Variants in PTPN14 observed in about 807,000 individuals in gnomAD.
PTPN14 encodes tyrosine-protein phosphatase non-receptor type 14.
PTPN14 carries 53 observed loss-of-function variants against 126.8 expected under a neutral mutation model. That is an observed-to-expected ratio of 0.42 (90% CI 0.34 to 0.53). The LOEUF (loss-of-function observed/expected upper bound fraction) is 0.53, where lower values mean the gene tolerates loss of function less well. Ranked by LOEUF, PTPN14 falls within the 20% of genes least tolerant of loss-of-function variation. The pLI, the probability that PTPN14 is intolerant of heterozygous loss-of-function variation, is 0.08. For missense variants in PTPN14, 1,257 were observed against 1,552.9 expected, an observed-to-expected ratio of 0.81 and a Z score of 3.20; for synonymous variants, 630 against 599.3, an observed-to-expected ratio of 1.05 and a Z score of -0.75.
intron 5 of PTPN14, among the ~76,000 whole-genome samples, chr1:214,411,142 T>C (rs971696267): frequency 1.3e-5 from 2 of 152,190 alleles, no homozygotes; most frequent in Admixed American, 6.5e-5. Flanking sequence ...GTTTCCAGCA[T>C]ACAGAATTTT....
At position 214,402,437 on chromosome 1, in the gene PTPN14, C is replaced by CAAAAAAAAAAAAAAAAAAAAAAA. The variant is rs1165595746; in HGVS notation, c.581+445_581+446insTTTTTTTTTTTTTTTTTTTTTTT. 6.2e-4 allele frequency among the ~76,000 whole-genome samples: 30 copies of CAAAAAAAAAAAAAAAAAAAAAAA among 48,138 alleles called. 2 individuals carry two copies. The highest frequency in any genetic ancestry group is 0.011 in the Middle Eastern group (1 of 94). 31.6% of individuals were successfully genotyped at this position (48,138 alleles called of 152,430 possible). A position where few individuals can be genotyped will look rare whatever the true frequency, so the allele number is the denominator to read the frequency against. On this transcript the variant is annotated intron_variant, in intron 6 of 18. Transcript: ENST00000366956. ...CCTGGGTGACAGAGCGAGACTCTGTCAAAAAAAAAAAAAAAAAAAAAAGCC... is the reference window on the plus strand; with the variant it reads ...CCTGGGTGACAGAGCGAGACTCTGTCAAAAAAAAAAAAAAAAAAAAAAAAAAAAAAAAAAAAAAAAAAAAAGCC...
intron 1 of PTPN14, among the ~76,000 whole-genome samples, chr1:214,510,917 A>C (rs1654957068): frequency 6.6e-6 from 1 of 151,962 alleles, no homozygotes; most frequent in Admixed American, 6.6e-5. Context: ...TTGCTCTGTC[A>C]CCTAGGCTGA....
chr1:214,469,825 G>GGT (rs1192451808), intron 1 of PTPN14, among the ~76,000 whole-genome samples: 2 of 53,148 alleles, frequency 3.8e-5, no homozygotes, highest in Admixed American at 2.0e-4. Context: ...CATGGGGAAA[G>GGT]GCGGGGGTAT....
chr1:214,506,522 A>AAAAT (rs374058238), intron 1 of PTPN14, among the ~76,000 whole-genome samples: 67 of 150,800 alleles, frequency 4.4e-4, no homozygotes, highest in African/African-American at 6.5e-4. Flanking sequence ...CTAAAAGAAG[A>AAAAT]AAATAAATAA....
chr1:214,382,835 T>C (rs1461237392), intron 13 of PTPN14, among the ~76,000 whole-genome samples: 1 of 152,244 alleles, frequency 6.6e-6, no homozygotes, highest in East Asian at 1.9e-4. Flanking sequence ...AAACATCTAT[T>C]GAAAGAAAAT....
rs527691930 is a variant in PTPN14 at position 214,351,505 on chromosome 1, C to G, written c.*6417G>C. ...AAGGGGAATGTCCTCTGCAGCACCT[C>G]TGAGATCACAGGGGAGAAGAATCAA... On this transcript the variant is annotated 3_prime_UTR_variant, in exon 19 of 19. Coordinates refer to ENST00000366956, the MANE Select transcript of PTPN14 (RefSeq NM_005401.5). 1 of 152,354 alleles carries G rather than the reference C, an allele frequency of 6.6e-6. No homozygotes were observed. The allele number at this position is 152,354 out of a possible 1,614,324, so 9.4% of individuals were successfully genotyped here.
In PTPN14 at chr1:214,364,850, T is replaced by C. The variant is rs1040489102; in HGVS notation, c.3272-175A>G. ...ATAGTTCTTACAAGACACTAATTAT[T>C]TGGCTGGTACCCAATGTACAGTCCT... On this transcript the variant is annotated intron_variant, in intron 17 of 18. Coordinates refer to ENST00000366956, the MANE Select transcript of PTPN14 (RefSeq NM_005401.5). This position sits in a 1 kb window ranked among gnomAD's most constrained non-coding sequence, Gnocchi z 4.1. 2.0e-5 allele frequency among the ~76,000 whole-genome samples: 3 copies of C among 151,288 alleles called. No homozygotes were observed. In the East Asian group the frequency reaches 5.9e-4, roughly 30 times the overall value.
chr1:214,476,153 C>G (rs1660861877), intron 1 of PTPN14, among the ~76,000 whole-genome samples: 1 of 152,196 alleles, frequency 6.6e-6, no homozygotes, highest in Admixed American at 6.5e-5. Flanking sequence ...CCAGCCATAG[C>G]ACCCTGCCAG....
At chr1:214,549,214 C>T (rs113505682) in intron 1 of PTPN14, among the ~76,000 whole-genome samples, 7 of 152,268 alleles carry the variant, frequency 4.6e-5, no homozygotes, top group Middle Eastern at 6.8e-3. Flanking sequence ...TACTACAACA[C>T]CACTTCAGTC....
intron 1 of PTPN14, among the ~76,000 whole-genome samples, chr1:214,470,856 A>C (rs1036036404): frequency 2.1e-5 from 3 of 144,462 alleles, no homozygotes; most frequent in Middle Eastern, 3.9e-3. Context: ...TCTACTAAAA[A>C]AAATATATAT....
intron 1 of PTPN14, among the ~76,000 whole-genome samples, chr1:214,494,970 T>G (rs1332734946): frequency 6.6e-6 from 1 of 152,226 alleles, no homozygotes; most frequent in Non-Finnish European, 1.5e-5. Flanking sequence ...TAGAGATGAC[T>G]GCACAATAAA....
intron 3 of PTPN14, among the ~76,000 whole-genome samples, chr1:214,436,431 C>T (rs78660341): frequency 6.6e-6 from 1 of 152,096 alleles, no homozygotes; most frequent in Non-Finnish European, 1.5e-5. Flanking sequence ...CTTTTACCTG[C>T]CATTTGCCAA....
chr1:214,457,363 C>T (rs563874972), intron 2 of PTPN14, among the ~76,000 whole-genome samples: 12 of 152,314 alleles, frequency 7.9e-5, no homozygotes, highest in African/African-American at 2.9e-4. Context: ...GGCTCTTAGG[C>T]TTAGCCTTAG....
chr1:214,483,467 G>A, intron 1 of PTPN14: 1 of 919,584 alleles, frequency 1.1e-6, no homozygotes, highest in Non-Finnish European at 1.7e-6. Context: ...AATCTTGCCT[G>A]CGACCCTTCC....
intron 3 of PTPN14, among the ~76,000 whole-genome samples, chr1:214,444,344 A>T (rs914206759): frequency 1.1e-4 from 17 of 152,226 alleles, no homozygotes; most frequent in African/African-American, 4.1e-4. Context: ...GGAGCTGGCC[A>T]GGAGGAGAAT....
intron 3 of PTPN14, among the ~76,000 whole-genome samples, chr1:214,426,011 T>G (rs1659653698): frequency 9.7e-6 from 1 of 102,790 alleles, no homozygotes; most frequent in Non-Finnish European, 1.8e-5. Context: ...CTATAGTTTC[T>G]ACAATCTGGA....
chr1:214,362,133 T>A (rs1157090733), intron 18 of PTPN14, among the ~76,000 whole-genome samples: 1 of 152,134 alleles, frequency 6.6e-6, no homozygotes, highest in East Asian at 1.9e-4. Context: ...CAAAATAAAC[T>A]AAACATGGTC....
intron 2 of PTPN14, among the ~76,000 whole-genome samples, chr1:214,458,834 A>G (rs1229300800): frequency 1.3e-5 from 2 of 152,116 alleles, no homozygotes; most frequent in African/African-American, 2.4e-5. Context: ...CAGATATCCT[A>G]TCTCCTCTGT....
intron 15 of PTPN14, among the ~76,000 whole-genome samples, chr1:214,374,105 G>T (rs2102524395): frequency 6.6e-6 from 1 of 152,310 alleles, no homozygotes; most frequent in Non-Finnish European, 1.5e-5. Flanking sequence ...TTCCAGGTCT[G>T]TGCCTTGATA....
Sources: allele counts gnomAD v4.1 joint callset (sites outside exome capture counted in the v4.1 genomes callset), GRCh38; gene constraint gnomAD v4.1.1; non-coding constraint Gnocchi (gnomAD v3.1); transcripts MANE v1.5; gene names NCBI Gene and HGNC (gene_info 2026-07-23, HGNC 2026-07-21).